Variants in NRG3 observed in about 807,000 individuals in gnomAD.
NRG3 encodes pro-neuregulin-3, membrane-bound isoform.
A neutral mutation model predicts 66.9 loss-of-function variants in NRG3; 31 were observed. That is an observed-to-expected ratio of 0.46 (90% CI 0.35 to 0.63). The LOEUF (loss-of-function observed/expected upper bound fraction) is 0.63, where lower values mean the gene tolerates loss of function less well. NRG3 is among the 20% of genes least tolerant of loss of function. The pLI is 0.00. For missense variants in NRG3, 910 were observed against 878.9 expected (o/e 1.04, Z -0.45); for synonymous variants, 393 against 359.4 (o/e 1.09, Z -1.06).
chr10:82,604,297 T>A (rs978774850), intron 2 of NRG3, among the ~76,000 whole-genome samples: 1 of 152,174 alleles, frequency 6.6e-6, no homozygotes, highest in African/African-American at 2.4e-5. Context: ...TCATATAATA[T>A]GTAGCCTTTT....
At chr10:82,697,871 T>C (rs998667283) in intron 2 of NRG3, among the ~76,000 whole-genome samples, 12 of 152,208 alleles carry the variant, frequency 7.9e-5, no homozygotes, top group Middle Eastern at 3.4e-3. Context: ...GACCCGTCAG[T>C]ATCTGCCTTT....
intron 2 of NRG3, among the ~76,000 whole-genome samples, chr10:82,503,530 A>G (rs1237047732): frequency 2.0e-5 from 3 of 152,200 alleles, no homozygotes; most frequent in Admixed American, 2.0e-4. Context: ...ATATATCTAT[A>G]AAATATCATG....
intron 1 of NRG3, among the ~76,000 whole-genome samples, chr10:82,056,728 T>G (rs893258662): frequency 2.0e-5 from 3 of 152,212 alleles, no homozygotes; most frequent in Non-Finnish European, 4.4e-5. Context: ...TTATTTTGAC[T>G]GTAGCTTTCA....
chr10:82,843,137 C>A, intron 3 of NRG3: 1 of 397,690 alleles, frequency 2.5e-6, no homozygotes, highest in Non-Finnish European at 5.2e-6. Flanking sequence ...GTATTAGACT[C>A]TGAAACATGC....
At chr10:82,418,462 AGAG>A (rs1411517082) in intron 2 of NRG3, among the ~76,000 whole-genome samples, 1 of 152,198 alleles carries the variant, frequency 6.6e-6, no homozygotes, top group Non-Finnish European at 1.5e-5. Context: ...GCAAATGAAA[AGAG>A]GAGGTAAGAA....
rs544118457 is a variant in NRG3 at position 82,638,143 on chromosome 10, C to T, written c.954-100434C>T. Among the ~76,000 whole-genome samples the T allele has an allele frequency of 4.1e-3, 630 of 152,162 alleles. 4 individuals carry two copies. Among genetic ancestry groups the T allele is most frequent in the South Asian group, 6.9e-3 (33 of 4,812 alleles). On this transcript the variant is annotated intron_variant, in intron 2 of 8. Transcript: ENST00000372141. ...CTATAAGAAAAGAGGAAAAAAGATA[C>T]GATGCTGAATTAAACATATGTATCA...
chr10:82,501,256 A>G (rs1844155231), intron 2 of NRG3, among the ~76,000 whole-genome samples: 1 of 152,288 alleles, frequency 6.6e-6, no homozygotes, highest in East Asian at 1.9e-4. Flanking sequence ...TAGAGCTGCC[A>G]TCTATTGTCC....
rs557780058 is a variant in NRG3 at position 82,193,001 on chromosome 10, G to C, written c.824-165738G>C. 1.5e-3 allele frequency among the ~76,000 whole-genome samples: 229 copies of C among 151,856 alleles called. 2 individuals carry two copies. Among genetic ancestry groups the C allele is most frequent in the Middle Eastern group, 0.01 (3 of 294 alleles). On this transcript the variant is annotated intron_variant, in intron 1 of 8. Coordinates refer to ENST00000372141, the MANE Select transcript of NRG3 (RefSeq NM_001010848.4). Reference sequence around the variant, plus strand: ...AGAGAGAGAGAGAGAGAGAGAGTTTGTGAGGTGTGCTGGAAGAGGTAGAGA... The same window carrying C: ...AGAGAGAGAGAGAGAGAGAGAGTTTCTGAGGTGTGCTGGAAGAGGTAGAGA...
At chr10:82,686,495 C>CTA (rs2054525840) in intron 2 of NRG3, among the ~76,000 whole-genome samples, 1 of 152,052 alleles carries the variant, frequency 6.6e-6, no homozygotes, top group South Asian at 2.1e-4. Flanking sequence ...GCCCCATGTG[C>CTA]TATACTTTTA....
chr10:82,318,376 A>T (rs2081400305), intron 1 of NRG3, among the ~76,000 whole-genome samples: 1 of 152,164 alleles, frequency 6.6e-6, no homozygotes, highest in Admixed American at 6.5e-5. Flanking sequence ...ATTCCCTGTG[A>T]TGTATGTATG....
chr10:82,610,846 C>A (rs1242517291), intron 2 of NRG3, among the ~76,000 whole-genome samples: 1 of 152,106 alleles, frequency 6.6e-6, no homozygotes, highest in Non-Finnish European at 1.5e-5. Flanking sequence ...TTACTCTAAA[C>A]TGAGATATGG....
At chr10:82,556,667 G>T (rs188654311) in intron 2 of NRG3, among the ~76,000 whole-genome samples, 3 of 152,250 alleles carry the variant, frequency 2.0e-5, no homozygotes, top group Admixed American at 2.0e-4. Context: ...AGGTTCAGGG[G>T]TACATGTGAT....
chr10:82,311,198 T>A (rs951255647), intron 1 of NRG3, among the ~76,000 whole-genome samples: 1 of 152,248 alleles, frequency 6.6e-6, no homozygotes, highest in Non-Finnish European at 1.5e-5. Context: ...AGTTGCCTAG[T>A]AGTAAAGAGG....
chr10:81,999,596 T>C (rs1214040384), intron 1 of NRG3, among the ~76,000 whole-genome samples: 1 of 152,198 alleles, frequency 6.6e-6, no homozygotes, highest in Non-Finnish European at 1.5e-5. Flanking sequence ...TTTGTTTCTT[T>C]GGGAGTCGTA....
chr10:82,838,876 T>A (rs1011372591), intron 3 of NRG3, among the ~76,000 whole-genome samples: 8 of 152,102 alleles, frequency 5.3e-5, no homozygotes, highest in African/African-American at 1.9e-4. Context: ...GACTCACAGT[T>A]CCACATGGCT....
intron 1 of NRG3, among the ~76,000 whole-genome samples, chr10:82,123,111 A>G (rs184489669): frequency 6.6e-6 from 1 of 152,284 alleles, no homozygotes; most frequent in Admixed American, 6.5e-5. Context: ...GGAAATTATG[A>G]ACTTTGGTCT....
chr10:82,440,066 C>G (rs2090351651), intron 2 of NRG3, among the ~76,000 whole-genome samples: 1 of 151,944 alleles, frequency 6.6e-6, no homozygotes, highest in Non-Finnish European at 1.5e-5. Flanking sequence ...ATCTGGAAAG[C>G]CATGTGGGCA....
chr10:82,659,322 T>G (rs968176618), intron 2 of NRG3, among the ~76,000 whole-genome samples: 1 of 152,240 alleles, frequency 6.6e-6, no homozygotes, highest in Non-Finnish European at 1.5e-5. Context: ...ATTATAGTAG[T>G]ATAGCTGTCT....
At chr10:82,554,585 C>T (rs1167165462) in intron 2 of NRG3, among the ~76,000 whole-genome samples, 2 of 152,130 alleles carry the variant, frequency 1.3e-5, no homozygotes, top group African/African-American at 4.8e-5. Flanking sequence ...AAGGCTGCGA[C>T]ATTTTTTGCA....
Sources: allele counts gnomAD v4.1 joint callset (sites outside exome capture counted in the v4.1 genomes callset), GRCh38; gene constraint gnomAD v4.1.1; transcripts MANE v1.5; gene names NCBI Gene and HGNC (gene_info 2026-07-23, HGNC 2026-07-21).